DYNLT1: variants seen among roughly 807,000 people sequenced by gnomAD.
The protein encoded by DYNLT1 is dynein light chain Tctex-type 1, also known as T-complex testis-specific protein 1 homolog.
A neutral mutation model predicts 19.6 loss-of-function variants in DYNLT1; 18 were observed. That is an observed-to-expected ratio of 0.92 (90% CI 0.64 to 1.36). The LOEUF (loss-of-function observed/expected upper bound fraction) is 1.36. DYNLT1 is among the 40% of genes most tolerant of loss of function. The pLI, the probability that DYNLT1 is intolerant of heterozygous loss-of-function variation, is 0.00. For missense variants in DYNLT1, 137 were observed against 139.3 expected (o/e 0.98, Z 0.08); for synonymous variants, 56 against 44.0 (o/e 1.27, Z -1.07).
chr6:158,636,833 A>G lies in DYNLT1; in HGVS notation c.336T>C (p.Ser112=). Reference sequence around the variant, plus strand: ...CCATAGGCTGGACTGCAGGTCAAATAGACAGTCCGAAGGCACTGACGATGC... The same window carrying G: ...CCATAGGCTGGACTGCAGGTCAAATGGACAGTCCGAAGGCACTGACGATGC... ...MYCIVSAFGL[S]I Residue 112 remains serine, a synonymous_variant, in exon 5 of 5, where the codon TCT becomes TCC. Transcript: ENST00000367089. 6.2e-7 allele frequency: 1 copy of G among 1,611,024 alleles called. No individual in the cohort carries two copies. The highest frequency in any genetic ancestry group is 1.1e-5 in the South Asian group (1 of 90,422).
intron 1 of DYNLT1, chr6:158,642,547 A>ACTGCCAGGC (rs1251955601): frequency 4.3e-5 from 6 of 139,702 alleles, no homozygotes. Context: ...GCTGCTGTCC[A>ACTGCCAGGC]CTGCAGGCCC....
chr6:158,637,595 T>C, intron 3 of DYNLT1, 176 bp downstream of exon 3: 1 of 924,992 alleles, frequency 1.1e-6, no homozygotes, highest in East Asian at 2.6e-5. Context: ...GATCTGCAAT[T>C]GTACCAGCAG....
intron 3 of DYNLT1, 193 bp from the exon 4 acceptor site, chr6:158,637,398 A>T: frequency 1.6e-6 from 1 of 627,500 alleles, no homozygotes; most frequent in Admixed American, 3.0e-5. Flanking sequence ...CATCCCATAA[A>T]CCCATCATAA....
Position 158,644,635 on chromosome 6 carries a change from G to C in DYNLT1, c.27+47C>G, listed in dbSNP as rs763669206. On this transcript the variant is annotated intron_variant, in intron 1 of 4. Transcript: ENST00000367089. ...GGGCAGGACCGCGTGTCCTTCCGCG[G>C]CCAGGGCTCTAGGCCTCCACCCTTC... The C allele has an allele frequency of 2.5e-6, 4 of 1,608,654 alleles. No homozygotes were observed. In the African/African-American group the frequency reaches 5.3e-5, roughly 22 times the overall value.
At chr6:158,638,135 G>C (rs926918416) in intron 2 of DYNLT1, among the ~76,000 whole-genome samples, 5 of 152,086 alleles carry the variant, frequency 3.3e-5, no homozygotes, top group Non-Finnish European at 1.5e-5. Context: ...CACATTTCAT[G>C]TTCACTACTA....
At chr6:158,640,119 C>G (rs1159573845) in intron 2 of DYNLT1, among the ~76,000 whole-genome samples, 2 of 152,188 alleles carry the variant, frequency 1.3e-5, no homozygotes, top group Non-Finnish European at 2.9e-5. Flanking sequence ...ATCCACCCAC[C>G]TTCCTGCCCC....
intron 1 of DYNLT1, 81 bp downstream of exon 1, chr6:158,644,601 G>C (rs956075408): frequency 6.4e-7 from 1 of 1,560,504 alleles, no homozygotes. Flanking sequence ...TGGGCAGCCA[G>C]GCCTTTCCGG....
At chr6:158,640,403 T>C (rs1787110997) in intron 2 of DYNLT1, among the ~76,000 whole-genome samples, 1 of 152,148 alleles carries the variant, frequency 6.6e-6, no homozygotes, top group Admixed American at 6.5e-5. Flanking sequence ...CCAATGGCTT[T>C]AGTATCTGTG....
intron 2 of DYNLT1, among the ~76,000 whole-genome samples, chr6:158,640,703 C>G (rs1004441337): frequency 5.3e-5 from 8 of 152,178 alleles, no homozygotes; most frequent in Non-Finnish European, 1.0e-4. Context: ...ACAGCACCAC[C>G]ACTAGTGGCA....
chr6:158,637,305 G>T, intron 3 of DYNLT1, 100 bp from the exon 4 acceptor site: 2 of 1,062,048 alleles, frequency 1.9e-6, no homozygotes, highest in Non-Finnish European at 2.8e-6. Flanking sequence ...GCTCCACGTG[G>T]TTGATGTTCT....
At chr6:158,637,732 A>G in intron 3 of DYNLT1, 39 bp downstream of exon 3, 1 of 1,614,082 alleles carries the variant, frequency 6.2e-7, no homozygotes, top group African/African-American at 1.3e-5. Context: ...AGTGTTAAAA[A>G]ACCATCCCGC....
At chr6:158,639,138 A>G (rs1282919359) in intron 2 of DYNLT1, among the ~76,000 whole-genome samples, 1 of 152,198 alleles carries the variant, frequency 6.6e-6, no homozygotes, top group African/African-American at 2.4e-5. Flanking sequence ...CCTGGGGCTT[A>G]GATCTGGCGA....
At position 158,636,825 on chromosome 6, in the gene DYNLT1, G is replaced by A. The variant is rs773624019; in HGVS notation, c.*2C>T. On this transcript the variant is annotated 3_prime_UTR_variant, in exon 5 of 5. Transcript: ENST00000367089. ...GAGAAAGGCCATAGGCTGGACTGCA[G>A]GTCAAATAGACAGTCCGAAGGCACT... 9.9e-6 allele frequency: 16 copies of A among 1,609,874 alleles called. No homozygotes were observed. The Admixed American group carries it at 1.5e-4, about 15-fold the overall frequency.
Position 158,637,153 on chromosome 6 carries a change from G to A in DYNLT1, c.246C>T (p.Ser82=), listed in dbSNP as rs781452396. ...CGTCAGTAGAGCTGTCCCAGAAGCA[G>A]GAACTTGCTGTGTGTAATCCAGCTC... is the stretch of plus-strand genomic sequence containing the variant. ...KNGAGLHTAS[S]CFWDSSTDGS... The change falls in exon 4 of 5, where the codon TCC becomes TCT. Residue 82 remains serine (S), a synonymous_variant. Transcript: ENST00000367089. 10 of 1,614,132 alleles carry A rather than the reference G, an allele frequency of 6.2e-6. No individual in the cohort carries two copies. Among genetic ancestry groups the A allele is most frequent in the African/African-American group, 1.3e-5 (1 of 74,946 alleles).
At chr6:158,641,202 T>C (rs1046140353) in intron 2 of DYNLT1, 117 bp downstream of exon 2, 2 of 918,786 alleles carry the variant, frequency 2.2e-6, no homozygotes, top group Non-Finnish European at 3.2e-6. Flanking sequence ...AAACTGTTAT[T>C]TGAAACACCA....
At chr6:158,644,190 CAGCCCGGGGCGGA>C (rs982669120) in intron 1 of DYNLT1, among the ~76,000 whole-genome samples, 4 of 152,050 alleles carry the variant, frequency 2.6e-5, no homozygotes, top group Non-Finnish European at 1.5e-5. Flanking sequence ...GCCGGGACGC[CAGCCCGGGGCGGA>C]GGGGCTGGCG....
At chr6:158,638,460 T>C (rs1360095030) in intron 2 of DYNLT1, among the ~76,000 whole-genome samples, 1 of 152,226 alleles carries the variant, frequency 6.6e-6, no homozygotes, top group Non-Finnish European at 1.5e-5. Flanking sequence ...CAGGGTGTCA[T>C]GTTGCCCAGG....
At chr6:158,641,441 G>T in intron 1 of DYNLT1, 81 bp from the exon 2 acceptor site, 1 of 1,251,002 alleles carries the variant, frequency 8.0e-7, no homozygotes, top group South Asian at 1.5e-5. Flanking sequence ...TGTAGGTAAT[G>T]AACATAATGT....
chr6:158,638,038 T>G, intron 2 of DYNLT1, 144 bp from the exon 3 acceptor site: 1 of 1,243,474 alleles, frequency 8.0e-7, no homozygotes, highest in Non-Finnish European at 1.1e-6. Flanking sequence ...ATACTTTTAA[T>G]AGCATTATAT....
Sources: allele counts gnomAD v4.1 joint callset (sites outside exome capture counted in the v4.1 genomes callset), GRCh38; gene constraint gnomAD v4.1.1; transcripts MANE v1.5; gene names NCBI Gene and HGNC (gene_info 2026-07-23, HGNC 2026-07-21).